Variants in NUBPL observed in about 807,000 individuals in gnomAD.
NUBPL encodes the protein iron-sulfur cluster transfer protein NUBPL.
A neutral mutation model predicts 45.7 loss-of-function variants in NUBPL; 31 were observed. The observed-to-expected ratio is 0.68, with a 90% CI of 0.51 to 0.92. The LOEUF is 0.92. NUBPL is among the 40% of genes least tolerant of loss of function. The pLI is 0.00. For synonymous variants in NUBPL, 144 were observed against 140.9 expected (o/e 1.02, Z -0.15); for missense variants, 401 against 398.7 (o/e 1.01, Z -0.05).
At chr14:31,674,158 A>G (rs140703255) in intron 6 of NUBPL, among the ~76,000 whole-genome samples, 1 of 152,292 alleles carries the variant, frequency 6.6e-6, no homozygotes, top group African/African-American at 2.4e-5. Flanking sequence ...AGCTTGGAAT[A>G]AGTTTTATTT....
chr14:31,737,872 T>C (rs1016827608), intron 6 of NUBPL, among the ~76,000 whole-genome samples: 1 of 152,236 alleles, frequency 6.6e-6, no homozygotes, highest in Non-Finnish European at 1.5e-5. Context: ...TATAAGAGTA[T>C]AGACAATTTG....
At chr14:31,612,261 T>G (rs139354038) in intron 4 of NUBPL, among the ~76,000 whole-genome samples, 1 of 152,324 alleles carries the variant, frequency 6.6e-6, no homozygotes, top group East Asian at 1.9e-4. Flanking sequence ...TATAAGGAGC[T>G]CAGACAAATC....
rs2037702144 is a variant in NUBPL, at chr14:31,716,925, C to T, written c.513+43351C>T. Among the ~76,000 whole-genome samples the T allele has an allele frequency of 3.3e-5, 5 of 152,256 alleles. No homozygotes were observed. In the South Asian group the frequency reaches 1.0e-3, roughly 32 times the overall value. On this transcript the variant is annotated intron_variant, in intron 6 of 10. Coordinates refer to ENST00000281081, the MANE Select transcript of NUBPL (RefSeq NM_025152.3). ...CTTATGGTGTTCATTTCTCCCATCT[C>T]TGCTGCTATCCTTCCCTACAATGTC...
chr14:31,752,685 A>G (rs2138693455), intron 6 of NUBPL, among the ~76,000 whole-genome samples: 2 of 152,318 alleles, frequency 1.3e-5, no homozygotes, highest in East Asian at 3.9e-4. Context: ...CCTGTTACCC[A>G]ATTCCAAAGT....
chr14:31,842,931 A>T (rs961794076), intron 8 of NUBPL, among the ~76,000 whole-genome samples: 18 of 152,376 alleles, frequency 1.2e-4, no homozygotes, highest in African/African-American at 4.1e-4. Context: ...ACATAGAAAT[A>T]GAAATCCTAA....
At chr14:31,750,029 C>G (rs542593310) in intron 6 of NUBPL, among the ~76,000 whole-genome samples, 1 of 152,200 alleles carries the variant, frequency 6.6e-6, no homozygotes, top group East Asian at 1.9e-4. Context: ...TTGAATTCTT[C>G]AGCTCCAAGA....
chr14:31,839,555 C>A (rs1042187458), intron 8 of NUBPL, among the ~76,000 whole-genome samples: 2 of 152,028 alleles, frequency 1.3e-5, no homozygotes, highest in African/African-American at 4.8e-5. Context: ...TTGGTCTGGG[C>A]AATTATTTTT....
At chr14:31,609,912 A>G (rs1022104922) in intron 4 of NUBPL, among the ~76,000 whole-genome samples, 54 of 152,276 alleles carry the variant, frequency 3.5e-4, no homozygotes, top group African/African-American at 1.3e-3. Flanking sequence ...GTGGGATACA[A>G]CAAAAGCTGT....
At chr14:31,812,043 G>A (rs2039816124) in intron 7 of NUBPL, among the ~76,000 whole-genome samples, 1 of 152,186 alleles carries the variant, frequency 6.6e-6, no homozygotes, top group South Asian at 2.1e-4. Flanking sequence ...GGCTGTATGA[G>A]GTGTCAGTCG....
intron 4 of NUBPL, among the ~76,000 whole-genome samples, chr14:31,627,856 C>A (rs2035247485): frequency 6.6e-6 from 1 of 150,774 alleles, no homozygotes; most frequent in Non-Finnish European, 1.5e-5. Context: ...GAAATTGAAA[C>A]AGAAATTTAA....
intron 6 of NUBPL, among the ~76,000 whole-genome samples, chr14:31,691,755 C>G (rs897426997): frequency 1.2e-4 from 18 of 152,144 alleles, no homozygotes; most frequent in African/African-American, 4.3e-4. Flanking sequence ...CAGGACGGGG[C>G]AGTCTTGCCA....
At chr14:31,650,589 C>G (rs2035976529) in intron 4 of NUBPL, among the ~76,000 whole-genome samples, 1 of 151,878 alleles carries the variant, frequency 6.6e-6, no homozygotes, top group Non-Finnish European at 1.5e-5. Context: ...GCACCTGGCC[C>G]CAGGAATGGC....
chr14:31,837,528 AGCCATAT>A, intron 8 of NUBPL, among the ~76,000 whole-genome samples: 1 of 152,212 alleles, frequency 6.6e-6, no homozygotes, highest in East Asian at 1.9e-4. Context: ...AGTTTTTAGT[AGCCATAT>A]TTTAAATAGA....
At chr14:31,694,031 A>G (rs1055368194) in intron 6 of NUBPL, among the ~76,000 whole-genome samples, 1 of 151,548 alleles carries the variant, frequency 6.6e-6, no homozygotes, top group Non-Finnish European at 1.5e-5. Context: ...AATTTTTTGT[A>G]TTTTTAGTAG....
chr14:31,689,645 G>A (rs1208532940), intron 6 of NUBPL, among the ~76,000 whole-genome samples: 3 of 152,078 alleles, frequency 2.0e-5, no homozygotes, highest in African/African-American at 7.2e-5. Context: ...TTCTTTTGCT[G>A]TGCAGAAGCT....
intron 6 of NUBPL, among the ~76,000 whole-genome samples, chr14:31,706,661 G>C (rs1009448278): frequency 6.6e-6 from 1 of 152,232 alleles, no homozygotes; most frequent in Non-Finnish European, 1.5e-5. Flanking sequence ...CAGCAGCGAG[G>C]AGGTCTAGGC....
At chr14:31,783,761 G>A (rs904028843) in intron 6 of NUBPL, among the ~76,000 whole-genome samples, 10 of 152,112 alleles carry the variant, frequency 6.6e-5, no homozygotes, top group African/African-American at 2.4e-4. Flanking sequence ...CAAGTGATAC[G>A]TGTGCCTTGG....
At chr14:31,784,422 A>T (rs1190418347) in intron 6 of NUBPL, among the ~76,000 whole-genome samples, 2 of 152,214 alleles carry the variant, frequency 1.3e-5, no homozygotes, top group Admixed American at 1.3e-4. Context: ...TCAACAGAGA[A>T]GAGGGAAGGA....
intron 3 of NUBPL, among the ~76,000 whole-genome samples, chr14:31,595,645 C>A (rs372185933): frequency 1.1e-4 from 16 of 152,214 alleles, no homozygotes; most frequent in African/African-American, 3.6e-4. Flanking sequence ...ATTTTTCTAA[C>A]AGTGTAAAAC....
Sources: allele counts gnomAD v4.1 joint callset (sites outside exome capture counted in the v4.1 genomes callset), GRCh38; gene constraint gnomAD v4.1.1; transcripts MANE v1.5; gene names NCBI Gene and HGNC (gene_info 2026-07-23, HGNC 2026-07-21).